Variants in CLIC5 observed in about 807,000 individuals in gnomAD.
The protein encoded by CLIC5 is CLIC family member 5.
CLIC5 carries 20 observed loss-of-function variants against 24.7 expected under a neutral mutation model. The observed-to-expected ratio is 0.81, with a 90% CI of 0.57 to 1.18. The LOEUF is 1.18. CLIC5 is among the 50% of genes most tolerant of loss of function. The probability of loss-of-function intolerance (pLI) is 0.00; values close to 1 mark genes in which losing one functional copy is unlikely to be tolerated. For synonymous variants in CLIC5, 159 were observed against 135.6 expected, an observed-to-expected ratio of 1.17 and a Z score of -1.20; for missense variants, 341 against 326.1, an observed-to-expected ratio of 1.05 and a Z score of -0.35.
In CLIC5 at chr6:45,899,383, A is replaced by C. The variant is rs142119255; in HGVS notation, c.*3705T>G. ...CAAGGAGGATGACACCAGCATCTTG[A>C]TTCACCGTGCAGTTGAGATGGCCCC... On this transcript the variant is annotated 3_prime_UTR_variant, in exon 6 of 6. Coordinates refer to ENST00000339561, the MANE Select transcript of CLIC5 (RefSeq NM_016929.5). 1 of 152,342 alleles carries C rather than the reference A, an allele frequency of 6.6e-6. No individual in the cohort carries two copies. Among genetic ancestry groups the C allele is most frequent in the African/African-American group, 2.4e-5 (1 of 41,586 alleles). The allele number at this position is 152,342 out of a possible 1,614,324, so 9.4% of individuals were successfully genotyped here.
At position 46,031,864 on chromosome 6, in the gene CLIC5, C is replaced by CAT. The variant is rs201796576; in HGVS notation, c.540+47837_540+47838dup. Among the ~76,000 whole-genome samples, 763 of 147,068 alleles carry CAT rather than the reference C, an allele frequency of 5.2e-3. 11 individuals carry two copies. The highest frequency in any genetic ancestry group is 0.035 in the East Asian group (175 of 5,030). On this transcript the variant is annotated intron_variant, in intron 1 of 5. Transcript: ENST00000185206. Reference sequence around the variant, plus strand: ...CATCTTTGTAAAATATATATATACACATATATATATAACATATATATATAC... The same window carrying CAT: ...CATCTTTGTAAAATATATATATACACATATATATATATAACATATATATATAC...
At chr6:46,087,074 G>C in the CLIC5 span, among the ~76,000 whole-genome samples, 1 of 152,260 alleles carries the variant, frequency 6.6e-6, no homozygotes, top group South Asian at 2.1e-4. Flanking sequence ...ACTTGCATAT[G>C]ATCCCCAAAT....
chr6:45,947,251 C>T (rs1764318895), intron 3 of CLIC5, among the ~76,000 whole-genome samples: 2 of 152,154 alleles, frequency 1.3e-5, no homozygotes, highest in African/African-American at 4.8e-5. Context: ...AGAGAAGCAG[C>T]CCAGGAAAGG....
the CLIC5 span, among the ~76,000 whole-genome samples, chr6:46,105,427 C>T: frequency 9.2e-5 from 14 of 152,114 alleles, no homozygotes; most frequent in South Asian, 2.7e-3. Context: ...TTTTAAGGCC[C>T]GTTTGGGGAG....
intron 1 of CLIC5, among the ~76,000 whole-genome samples, chr6:46,075,109 G>A (rs1489875706): frequency 2.0e-5 from 3 of 152,088 alleles, no homozygotes; most frequent in African/African-American, 7.2e-5. Flanking sequence ...ACTATATTAA[G>A]CAACTTATAA....
At chr6:45,893,754 A>G (rs1390038064), downstream of CLIC5, among the ~76,000 whole-genome samples, 4 of 152,120 alleles carry the variant, frequency 2.6e-5, no homozygotes, top group East Asian at 5.8e-4. Context: ...CTACCCCACA[A>G]CACATATACA....
At chr6:45,924,927 G>C (rs530833420) in intron 4 of CLIC5, among the ~76,000 whole-genome samples, 2 of 152,214 alleles carry the variant, frequency 1.3e-5, no homozygotes, top group South Asian at 2.1e-4. Flanking sequence ...AGATAGATGC[G>C]GCTGGCATTG....
At chr6:46,014,917 G>A (rs1391667783) in intron 1 of CLIC5, among the ~76,000 whole-genome samples, 1 of 152,110 alleles carries the variant, frequency 6.6e-6, no homozygotes, top group Non-Finnish European at 1.5e-5. Context: ...TAATAACGTC[G>A]GAGAATGGAG....
chr6:45,940,071 G>A (rs2127365084), intron 4 of CLIC5, among the ~76,000 whole-genome samples: 1 of 152,158 alleles, frequency 6.6e-6, no homozygotes, highest in Admixed American at 6.5e-5. Flanking sequence ...CTGGCACTGT[G>A]GGCTTCAGTC....
At chr6:45,903,625 C>T (rs1295578854) in intron 5 of CLIC5, among the ~76,000 whole-genome samples, 6 of 152,092 alleles carry the variant, frequency 3.9e-5, no homozygotes, top group Non-Finnish European at 8.8e-5. Flanking sequence ...CATTATCTTA[C>T]ACAAATAAAA....
At chr6:45,974,522 T>TATATAGAG (rs1339415709) in intron 1 of CLIC5, among the ~76,000 whole-genome samples, 3 of 66,002 alleles carry the variant, frequency 4.5e-5, no homozygotes, top group African/African-American at 6.2e-5. Flanking sequence ...TATATATATA[T>TATATAGAG]AGAGAGAGAG....
intron 5 of CLIC5, among the ~76,000 whole-genome samples, chr6:45,903,611 C>A (rs540355046): frequency 3.3e-5 from 5 of 152,154 alleles, no homozygotes; most frequent in Non-Finnish European, 7.4e-5. Context: ...TATATGAATA[C>A]ATACATTATC....
chr6:46,029,611 C>T (rs890276934), intron 1 of CLIC5, among the ~76,000 whole-genome samples: 1 of 152,052 alleles, frequency 6.6e-6, no homozygotes, highest in Admixed American at 6.6e-5. Context: ...TTCATGATGA[C>T]ATAGTAAAAG....
intron 1 of CLIC5, among the ~76,000 whole-genome samples, chr6:46,074,401 G>A (rs912701306): frequency 6.6e-6 from 1 of 152,174 alleles, no homozygotes; most frequent in African/African-American, 2.4e-5. Context: ...CAATTCTGGA[G>A]CACTTTACTA....
intron 1 of CLIC5, among the ~76,000 whole-genome samples, chr6:46,045,276 A>C (rs1767923233): frequency 6.6e-6 from 1 of 152,198 alleles, no homozygotes; most frequent in South Asian, 2.1e-4. Context: ...TTTTCAGAAA[A>C]GATTGGCTTC....
the CLIC5 span, among the ~76,000 whole-genome samples, chr6:46,118,631 C>T: frequency 9.9e-5 from 15 of 152,214 alleles, no homozygotes; most frequent in African/African-American, 3.6e-4. Flanking sequence ...GATTCCTTCC[C>T]TGTCTACAAG....
chr6:45,911,285 C>T (rs1433021957), intron 5 of CLIC5, among the ~76,000 whole-genome samples: 1 of 152,134 alleles, frequency 6.6e-6, no homozygotes, highest in Non-Finnish European at 1.5e-5. Flanking sequence ...GGTGTGGGCA[C>T]CAAAGAAGCC....
intron 1 of CLIC5, among the ~76,000 whole-genome samples, chr6:46,004,541 C>G (rs1305173522): frequency 6.6e-6 from 1 of 152,142 alleles, no homozygotes; most frequent in African/African-American, 2.4e-5. Context: ...GTGGGGGAGA[C>G]CACTCACTAA....
intron 1 of CLIC5, among the ~76,000 whole-genome samples, chr6:46,012,399 T>C (rs867189650): frequency 6.6e-6 from 1 of 152,218 alleles, no homozygotes; most frequent in African/African-American, 2.4e-5. Context: ...CTAACATTTC[T>C]TATTGTAGAA....
Sources: allele counts gnomAD v4.1 joint callset (sites outside exome capture counted in the v4.1 genomes callset), GRCh38; gene constraint gnomAD v4.1.1; transcripts MANE v1.5; gene names NCBI Gene and HGNC (gene_info 2026-07-23, HGNC 2026-07-21).